The following ABCC9 variants were observed in gnomAD, a reference collection of about 807,000 sequenced individuals.
The protein encoded by ABCC9 is ATP-binding cassette sub-family C member 9.
Under a neutral mutation model 188.3 loss-of-function variants are expected in ABCC9, and 95 were observed. The observed-to-expected ratio is 0.50, with a 90% CI of 0.43 to 0.60. The LOEUF is 0.60. Among genes scored for constraint, ABCC9 ranks in the 20% least tolerant of loss-of-function variants. The pLI, the probability that ABCC9 is intolerant of heterozygous loss-of-function variation, is 0.00. For synonymous variants in ABCC9, 659 were observed against 652.7 expected (o/e 1.01, Z -0.15); for missense variants, 1,102 against 1,876.3 (o/e 0.59, Z 7.62).
chr12:21,940,218 C>T (rs1949638237), intron 2 of ABCC9, among the ~76,000 whole-genome samples: 1 of 152,158 alleles, frequency 6.6e-6, no homozygotes, highest in African/African-American at 2.4e-5. Flanking sequence ...CTGGAAACAC[C>T]TGGAGAAAAC....
intron 19 of ABCC9, among the ~76,000 whole-genome samples, chr12:21,863,941 C>G (rs545659335): frequency 2.6e-5 from 4 of 152,204 alleles, no homozygotes; most frequent in African/African-American, 7.2e-5. Flanking sequence ...TGCTAGCAGT[C>G]TCTGAGATAA....
At chr12:21,811,870 A>G (rs766751644) in intron 36 of ABCC9, among the ~76,000 whole-genome samples, 179 bp downstream of exon 36, 1 of 152,154 alleles carries the variant, frequency 6.6e-6, no homozygotes, top group Non-Finnish European at 1.5e-5. Flanking sequence ...TGGAAACATA[A>G]TTTTATAGGT....
intron 22 of ABCC9, among the ~76,000 whole-genome samples, chr12:21,855,487 G>T (rs538933440): frequency 6.6e-6 from 1 of 152,116 alleles, no homozygotes; most frequent in Non-Finnish European, 1.5e-5. Flanking sequence ...CTCCCAAAGT[G>T]CTAGGATTAC....
At chr12:21,818,965 A>G (rs1029153458) in intron 31 of ABCC9, among the ~76,000 whole-genome samples, 4 of 152,196 alleles carry the variant, frequency 2.6e-5, no homozygotes, top group African/African-American at 9.7e-5. Flanking sequence ...AATAAGCACT[A>G]TGCTTGCTCA....
Position 21,910,946 on chromosome 12 carries a change from A to T in ABCC9, c.1044T>A (p.Leu348=), listed in dbSNP as rs1948294977. 1.2e-6 allele frequency: 2 copies of T among 1,612,432 alleles called. No homozygotes were observed. Among genetic ancestry groups the T allele is most frequent in the East Asian group, 4.5e-5 (2 of 44,812 alleles). ...ISETLSSKEF[L]ENAYVLAVLL... Reference sequence around the variant, plus strand: ...GAACTGCTAGAACGTAAGCGTTTTCAAGAAATTCCTTTGATGAGAGGGTTT... The same window carrying T: ...GAACTGCTAGAACGTAAGCGTTTTCTAGAAATTCCTTTGATGAGAGGGTTT... Residue 348 remains leucine, a synonymous_variant, in exon 9 of 40, where the codon CTT becomes CTA. Transcript: ENST00000261200.
intron 31 of ABCC9, among the ~76,000 whole-genome samples, chr12:21,821,365 A>G (rs1239221700): frequency 6.6e-6 from 1 of 152,152 alleles, no homozygotes; most frequent in African/African-American, 2.4e-5. Flanking sequence ...TCTAAAGTGA[A>G]AAGTACTTTT....
At chr12:21,898,605 A>G (rs2137773865) in intron 12 of ABCC9, among the ~76,000 whole-genome samples, 1 of 152,344 alleles carries the variant, frequency 6.6e-6, no homozygotes, top group East Asian at 1.9e-4. Flanking sequence ...GGAGTTTATA[A>G]TTCAAGAGGA....
Position 21,933,974 on chromosome 12 carries a change from A to G in ABCC9, c.143-51T>C, listed in dbSNP as rs552540639. The G allele has an allele frequency of 4.6e-5, 73 of 1,602,986 alleles. 1 individual carries two copies. The South Asian group carries it at 7.3e-4, about 16-fold the overall frequency. On this transcript the variant is annotated intron_variant, in intron 3 of 39. Transcript: ENST00000261200. ...CAAAAAGACATAAACCGAAGGCTCA[A>G]TTGTAATAAACATAATTTAAATTAT...
At chr12:21,924,386 G>C (rs1026019324) in intron 5 of ABCC9, 3 of 152,106 alleles carry the variant, frequency 2.0e-5, no homozygotes. Context: ...GAATTCAGAT[G>C]TTGGGTAAGT....
At chr12:21,884,284 G>A (rs138065476) in intron 15 of ABCC9, among the ~76,000 whole-genome samples, 79 of 152,142 alleles carry the variant, frequency 5.2e-4, no homozygotes, top group African/African-American at 1.8e-3. Context: ...ATGTTGCCCA[G>A]GTGGTCTCAA....
chr12:21,867,056 A>G (rs1945817394), intron 18 of ABCC9, among the ~76,000 whole-genome samples: 1 of 152,092 alleles, frequency 6.6e-6, no homozygotes, highest in Admixed American at 6.6e-5. Context: ...CCTCTCCTTG[A>G]AGGATTTACG....
rs1161411582 is a variant in ABCC9, at chr12:21,797,516, T to C, written c.*3528A>G. ...TATATATTGTAGAGAATAAATAGAATAAACACAACATAGAAAAGGAAAGAG... is the reference window on the plus strand; with the variant it reads ...TATATATTGTAGAGAATAAATAGAACAAACACAACATAGAAAAGGAAAGAG... On this transcript the variant is annotated 3_prime_UTR_variant, in exon 40 of 40. Transcript: ENST00000261200. 3.3e-5 allele frequency: 5 copies of C among 152,136 alleles called. No homozygotes were observed. The highest frequency in any genetic ancestry group is 2.0e-4 in the Admixed American group (3 of 15,264). The allele number at this position is 152,136 out of a possible 1,614,324, so 9.4% of individuals were successfully genotyped here.
At chr12:21,835,237 T>A (rs543062037) in intron 30 of ABCC9, among the ~76,000 whole-genome samples, 41 of 152,288 alleles carry the variant, frequency 2.7e-4, no homozygotes, top group African/African-American at 9.1e-4. Flanking sequence ...CAACGAAGTG[T>A]CCTTTAATTT....
rs200692327 is a variant in ABCC9, at chr12:21,844,466, G to A, written c.3315+17C>T. ...GTGAAACTAATTTTTGAACTTGGAA[G>A]TAACCCAGTTACTCACCTGATCAAT... is the stretch of plus-strand genomic sequence containing the variant. On this transcript the variant is annotated intron_variant, in intron 28 of 39. Transcript: ENST00000261200. The A allele has an allele frequency of 1.7e-4, 275 of 1,605,308 alleles. 2 individuals carry two copies. The highest frequency in any genetic ancestry group is 2.2e-4 in the Non-Finnish European group (260 of 1,172,188).
chr12:21,918,650 A>G (rs946932572), intron 5 of ABCC9, among the ~76,000 whole-genome samples: 2 of 152,130 alleles, frequency 1.3e-5, no homozygotes, highest in African/African-American at 4.8e-5. Context: ...GCCAGGGTCA[A>G]TTGGGTTCTC....
rs187052025 is a variant in ABCC9, at chr12:21,876,749, A to T, written c.2020-1023T>A. Among the ~76,000 whole-genome samples, 30 of 152,354 alleles carry T rather than the reference A, an allele frequency of 2.0e-4. No homozygotes were observed. In the East Asian group the frequency reaches 4.8e-3, roughly 24 times the overall value. Reference sequence around the variant, plus strand: ...AAAAATCAGGAGAAATTGAAGATACACTTTGCTCATAAACTAATGTTTTAT... The same window carrying T: ...AAAAATCAGGAGAAATTGAAGATACTCTTTGCTCATAAACTAATGTTTTAT... On this transcript the variant is annotated intron_variant, in intron 16 of 39. Coordinates refer to ENST00000261200, the MANE Select transcript of ABCC9 (RefSeq NM_020297.4).
chr12:21,932,102 C>T (rs937384861), intron 4 of ABCC9, among the ~76,000 whole-genome samples: 1 of 152,026 alleles, frequency 6.6e-6, no homozygotes, highest in Non-Finnish European at 1.5e-5. Flanking sequence ...ATATTAGCTC[C>T]TCAATGAAAG....
At chr12:21,855,673 A>G (rs374035620) in intron 22 of ABCC9, among the ~76,000 whole-genome samples, 20 of 152,322 alleles carry the variant, frequency 1.3e-4, no homozygotes, top group African/African-American at 4.8e-4. Context: ...GGGGATAATA[A>G]AGAGGCCTGA....
At position 21,882,681 on chromosome 12, in the gene ABCC9, A is replaced by T. The variant is rs4148663; in HGVS notation, c.2019+85T>A. On this transcript the variant is annotated intron_variant, in intron 16 of 39. Coordinates refer to ENST00000261200, the MANE Select transcript of ABCC9 (RefSeq NM_020297.4). ...ACTGTAAAAACAATTTAAAGGCACA[A>T]TTTGGGACACTTTCACAGAACTTCA... 22,026 of 1,239,452 alleles carry T rather than the reference A, an allele frequency of 0.018. 670 individuals are homozygous for T. Among genetic ancestry groups the T allele is most frequent in the East Asian group, 0.12 (5,285 of 42,736 alleles). The allele number at this position is 1,239,452 out of a possible 1,614,324, so 76.8% of individuals were successfully genotyped here.
Sources: allele counts gnomAD v4.1 joint callset (sites outside exome capture counted in the v4.1 genomes callset), GRCh38; gene constraint gnomAD v4.1.1; transcripts MANE v1.5; gene names NCBI Gene and HGNC (gene_info 2026-07-23, HGNC 2026-07-21).